AGBL4: variants seen among roughly 807,000 people sequenced by gnomAD.
AGBL4 encodes the protein AGBL carboxypeptidase 4, also known as cytosolic carboxypeptidase 6.
Under a neutral mutation model 66.4 loss-of-function variants are expected in AGBL4, and 58 were observed. The ratio of observed to expected loss-of-function variants is 0.87; its 90% CI spans 0.71 to 1.09. The LOEUF (loss-of-function observed/expected upper bound fraction) is 1.09, where lower values mean the gene tolerates loss of function less well. Among genes scored for constraint, AGBL4 ranks in the 50% least tolerant of loss-of-function variants. The pLI is 0.00. For synonymous variants in AGBL4, 234 were observed against 222.9 expected (o/e 1.05, Z -0.44); for missense variants, 579 against 631.0 (o/e 0.92, Z 0.88).
Position 48,655,083 on chromosome 1 carries a change from C to A in AGBL4, c.725-1632G>T, listed in dbSNP as rs145798360. Among the ~76,000 whole-genome samples the A allele has an allele frequency of 7.2e-5, 11 of 152,314 alleles. No homozygotes were observed. In the East Asian group the frequency reaches 1.9e-3, roughly 27 times the overall value. ...GGAAATGGAGTAGCTCATTGTGATCCATCCTCCTTCACAGATGAGCAGATT... is the reference window on the plus strand; with the variant it reads ...GGAAATGGAGTAGCTCATTGTGATCAATCCTCCTTCACAGATGAGCAGATT... On this transcript the variant is annotated intron_variant, in intron 7 of 13. Transcript: ENST00000371839.
At chr1:49,095,967 T>C (rs2147990129) in intron 4 of AGBL4, among the ~76,000 whole-genome samples, 1 of 151,882 alleles carries the variant, frequency 6.6e-6, no homozygotes. Context: ...ATCCAGAATC[T>C]ACAATGAAAT....
intron 1 of AGBL4, among the ~76,000 whole-genome samples, chr1:49,948,051 A>AAATATATATATACATATAAATAT (rs1655518870): frequency 5.9e-5 from 5 of 85,312 alleles, no homozygotes; most frequent in African/African-American, 2.8e-4. Flanking sequence ...TAAATATATA[A>AAATATATATATACATATAAATAT]ATATATATAT....
chr1:49,215,879 T>C (rs1255823227), intron 4 of AGBL4, among the ~76,000 whole-genome samples: 1 of 152,094 alleles, frequency 6.6e-6, no homozygotes, highest in Non-Finnish European at 1.5e-5. Flanking sequence ...ACTCCATTGA[T>C]AGTGACATGA....
intron 6 of AGBL4, among the ~76,000 whole-genome samples, chr1:48,806,185 C>T (rs944188183): frequency 1.3e-5 from 2 of 152,090 alleles, no homozygotes; most frequent in Non-Finnish European, 2.9e-5. Context: ...TTACTACATG[C>T]CTTTCTTCAT....
chr1:49,974,976 A>T (rs1658439126), intron 1 of AGBL4, among the ~76,000 whole-genome samples: 1 of 152,242 alleles, frequency 6.6e-6, no homozygotes, highest in African/African-American at 2.4e-5. Flanking sequence ...TACATCATAC[A>T]TTATATACAT....
intron 4 of AGBL4, among the ~76,000 whole-genome samples, chr1:49,072,604 G>T (rs1476322555): frequency 6.6e-6 from 1 of 152,210 alleles, no homozygotes; most frequent in Non-Finnish European, 1.5e-5. Flanking sequence ...CTTCTGCAGA[G>T]AGATCTGCTG....
chr1:49,620,602 G>A (rs971863891), intron 3 of AGBL4, among the ~76,000 whole-genome samples: 15 of 152,090 alleles, frequency 9.9e-5, no homozygotes, highest in African/African-American at 3.6e-4. Context: ...ATTTGACCAA[G>A]GTTTTGAATT....
intron 1 of AGBL4, among the ~76,000 whole-genome samples, chr1:49,997,211 C>T (rs937698133): frequency 5.3e-5 from 8 of 152,066 alleles, no homozygotes; most frequent in Non-Finnish European, 8.8e-5. Flanking sequence ...CATCTCAATA[C>T]TAACATTGAA....
rs35648756 is a variant in AGBL4 at position 50,019,306 on chromosome 1, TCA to T, written c.34+4455_34+4456del. On this transcript the variant is annotated intron_variant, in intron 1 of 13. Coordinates refer to ENST00000371839, the MANE Select transcript of AGBL4 (RefSeq NM_032785.4). ...CTCTCTCTCTCTCTCTCTCTCTCTC[TCA>T]CACACACACACACACACACACACAC... is the stretch of plus-strand genomic sequence containing the variant. Among the ~76,000 whole-genome samples, 146 of 48,436 alleles carry T rather than the reference TCA, an allele frequency of 3.0e-3. 1 individual carries two copies. Among genetic ancestry groups the T allele is most frequent in the African/African-American group, 7.7e-3 (104 of 13,534 alleles). The allele number at this position is 48,436 out of a possible 152,430, so 31.8% of individuals were successfully genotyped here. A position where few individuals can be genotyped will look rare whatever the true frequency, so the allele number is the denominator to read the frequency against.
chr1:49,349,323 A>G (rs1645701610), intron 3 of AGBL4, among the ~76,000 whole-genome samples: 2 of 152,218 alleles, frequency 1.3e-5, no homozygotes, highest in African/African-American at 4.8e-5. Flanking sequence ...CATGAGTTCC[A>G]TTGCTGTATT....
intron 5 of AGBL4, among the ~76,000 whole-genome samples, chr1:48,887,857 A>G (rs1330258322): frequency 6.6e-6 from 1 of 152,128 alleles, no homozygotes; most frequent in East Asian, 1.9e-4. Flanking sequence ...TTGAGGACCT[A>G]TCTCCTCTCT....
intron 5 of AGBL4, among the ~76,000 whole-genome samples, chr1:49,000,623 A>T (rs1342303033): frequency 1.3e-5 from 2 of 152,180 alleles, no homozygotes; most frequent in Non-Finnish European, 2.9e-5. Flanking sequence ...GCCTTGATAC[A>T]TGTTGGAAAA....
In AGBL4 at chr1:49,379,269, A is replaced by T. The variant is rs540743405; in HGVS notation, c.283-133405T>A. On this transcript the variant is annotated intron_variant, in intron 3 of 13. Transcript: ENST00000371839. ...TTTCTTTCTCTTGGGAAACTACCAC[A>T]CATTGCCTAGAATGGTTTGTATGAA... 5.3e-5 allele frequency among the ~76,000 whole-genome samples: 8 copies of T among 152,262 alleles called. No homozygotes were observed. The East Asian group carries it at 1.5e-3, about 29-fold the overall frequency.
chr1:49,696,175 C>A (rs1646980118), intron 3 of AGBL4, among the ~76,000 whole-genome samples: 1 of 152,110 alleles, frequency 6.6e-6, no homozygotes, highest in South Asian at 2.1e-4. Context: ...CAATCATAAT[C>A]TCACTATGTG....
At chr1:49,234,164 G>C (rs920044965) in intron 4 of AGBL4, among the ~76,000 whole-genome samples, 7 of 152,244 alleles carry the variant, frequency 4.6e-5, no homozygotes. Context: ...GATATCTTAT[G>C]GTCAATCCAA....
chr1:49,748,852 C>A (rs934739065), intron 2 of AGBL4, among the ~76,000 whole-genome samples: 1 of 151,874 alleles, frequency 6.6e-6, no homozygotes, highest in Non-Finnish European at 1.5e-5. Context: ...TTTGATGGGG[C>A]TGTTTGTTTT....
chr1:49,313,442 A>G (rs1460415357), intron 3 of AGBL4, among the ~76,000 whole-genome samples: 1 of 152,142 alleles, frequency 6.6e-6, no homozygotes, highest in Admixed American at 6.5e-5. Flanking sequence ...TCCTTGAGGA[A>G]TCACCATGCT....
chr1:50,021,087 A>G (rs908609608), intron 1 of AGBL4, among the ~76,000 whole-genome samples: 10 of 152,226 alleles, frequency 6.6e-5, no homozygotes, highest in South Asian at 2.1e-4. Context: ...TCTACCATCA[A>G]TGTTACCAAT....
chr1:49,959,269 G>A (rs185011437), intron 1 of AGBL4, among the ~76,000 whole-genome samples: 60 of 152,090 alleles, frequency 3.9e-4, no homozygotes, highest in Non-Finnish European at 2.1e-4. Context: ...AGAAATGCCC[G>A]CAGGCATTAT....
Sources: gnomAD v4.1 joint callset for allele counts (sites outside exome capture counted in the v4.1 genomes callset) on GRCh38, gnomAD v4.1.1 for gene constraint, MANE v1.5 for transcripts, NCBI Gene and HGNC (gene_info 2026-07-23, HGNC 2026-07-21) for gene names.